Variants in CAMTA1 observed in about 807,000 individuals in gnomAD.
The protein encoded by CAMTA1 is calmodulin binding transcription activator 1.
A neutral mutation model predicts 170.9 loss-of-function variants in CAMTA1; 27 were observed. That is an observed-to-expected ratio of 0.16 (90% CI 0.12 to 0.22). The LOEUF (loss-of-function observed/expected upper bound fraction) is 0.22, where lower values mean the gene tolerates loss of function less well. Among genes scored for constraint, CAMTA1 ranks in the 10% least tolerant of loss-of-function variants. The probability of loss-of-function intolerance (pLI) is 1.00; values close to 1 mark genes in which losing one functional copy is unlikely to be tolerated. For synonymous variants in CAMTA1, 833 were observed against 891.5 expected (o/e 0.93, Z 1.17); for missense variants, 1,619 against 2,217.2 (o/e 0.73, Z 5.42).
At chr1:7,361,099 G>C (rs1479542495) in intron 5 of CAMTA1, among the ~76,000 whole-genome samples, 3 of 152,232 alleles carry the variant, frequency 2.0e-5, no homozygotes, top group Non-Finnish European at 4.4e-5. Context: ...TTCCGTTGCT[G>C]CCGGCCTGCC....
intron 3 of CAMTA1, among the ~76,000 whole-genome samples, chr1:6,847,027 G>T (rs551046074): frequency 6.7e-6 from 1 of 150,128 alleles, no homozygotes. Context: ...TTTTGGAGAC[G>T]GAATCTTGCT....
chr1:7,249,655 C>T lies in CAMTA1; in HGVS notation c.438+29C>T. 1.9e-6 allele frequency: 3 copies of T among 1,609,462 alleles called. No individual in the cohort carries two copies. The highest frequency in any genetic ancestry group is 2.5e-6 in the Non-Finnish European group (3 of 1,177,402). On this transcript the variant is annotated intron_variant, in intron 5 of 22. Transcript: ENST00000303635. This position sits in a 1 kb window ranked among gnomAD's most constrained non-coding sequence, Gnocchi z 4.4. ...AACAGCAGAAAAGGTTCCCTTGGTG[C>T]ACAAATGTCATTTGCAGGCTGCAGT...
chr1:7,350,342 AC>A (rs978313037), intron 5 of CAMTA1, among the ~76,000 whole-genome samples: 1 of 151,822 alleles, frequency 6.6e-6, no homozygotes, highest in African/African-American at 2.4e-5. Flanking sequence ...CTGCCCCTAT[AC>A]CCGCCAGGTC....
intron 3 of CAMTA1, among the ~76,000 whole-genome samples, chr1:6,920,573 A>G (rs956202648): frequency 1.3e-5 from 2 of 152,114 alleles, no homozygotes; most frequent in African/African-American, 4.8e-5. Flanking sequence ...CTAATCTCAC[A>G]TTTCCCTTCC....
intron 4 of CAMTA1, among the ~76,000 whole-genome samples, chr1:7,222,232 C>T (rs768424054): frequency 1.2e-4 from 19 of 152,106 alleles, no homozygotes; most frequent in Non-Finnish European, 1.5e-4. Flanking sequence ...TCAGACAGGC[C>T]GTGGGACCCT....
chr1:7,604,151 A>G lies in CAMTA1; in HGVS notation c.511-36249A>G, dbSNP rs550517541. On this transcript the variant is annotated intron_variant, in intron 6 of 22. Coordinates refer to ENST00000303635, the MANE Select transcript of CAMTA1 (RefSeq NM_015215.4). ...CATTTCAAGTTTGATGAATCTGACA[A>G]TTATGTGTGTTGGAGTTGCTCTTCT... is the stretch of plus-strand genomic sequence containing the variant. Among the ~76,000 whole-genome samples the G allele has an allele frequency of 2.6e-5, 4 of 152,234 alleles. No homozygotes were observed. In the East Asian group the frequency reaches 5.8e-4, roughly 22 times the overall value.
In CAMTA1 at chr1:7,651,851, T is replaced by C. The variant is rs573137050; in HGVS notation, c.665-9875T>C. ...GGGCCCCGACCCCAGGCCAGCACGGTGCTGCCACCCGGTCTCCCACTGTTT... is the reference window on the plus strand; with the variant it reads ...GGGCCCCGACCCCAGGCCAGCACGGCGCTGCCACCCGGTCTCCCACTGTTT... On this transcript the variant is annotated intron_variant, in intron 7 of 22. Coordinates refer to ENST00000303635, the MANE Select transcript of CAMTA1 (RefSeq NM_015215.4). Among the ~76,000 whole-genome samples, 8 of 152,364 alleles carry C rather than the reference T, an allele frequency of 5.3e-5. No homozygotes were observed. In the South Asian group the frequency reaches 1.4e-3, roughly 28 times the overall value.
chr1:7,218,490 T>G (rs867950335), intron 4 of CAMTA1, among the ~76,000 whole-genome samples: 10 of 151,680 alleles, frequency 6.6e-5, no homozygotes, highest in Non-Finnish European at 1.3e-4. Context: ...GCGGGAGGAG[T>G]TGAGGGTCCT....
In CAMTA1 at chr1:7,062,964, G is replaced by T. The variant is rs535213607; in HGVS notation, c.235-28340G>T. Among the ~76,000 whole-genome samples, 8 of 152,236 alleles carry T rather than the reference G, an allele frequency of 5.3e-5. No individual in the cohort carries two copies. In the East Asian group the frequency reaches 1.4e-3, roughly 26 times the overall value. On this transcript the variant is annotated intron_variant, in intron 3 of 22. Transcript: ENST00000303635. Reference sequence around the variant, plus strand: ...ATTGGATTGGGGCCCATCCTACTCCGTTATGACTTCATCTTAACTAGATGA... The same window carrying T: ...ATTGGATTGGGGCCCATCCTACTCCTTTATGACTTCATCTTAACTAGATGA...
chr1:7,478,476 C>T (rs1418830545), intron 6 of CAMTA1, among the ~76,000 whole-genome samples: 1 of 152,202 alleles, frequency 6.6e-6, no homozygotes, highest in African/African-American at 2.4e-5. Flanking sequence ...TGTCCCTCAG[C>T]CCTTAGGGAC....
intron 5 of CAMTA1, among the ~76,000 whole-genome samples, chr1:7,385,093 T>TG (rs2087784995): frequency 1.1e-3 from 1 of 902 alleles, no homozygotes; most frequent in Admixed American, 0.021. Flanking sequence ...CTGTTCACTA[T>TG]TTTTTTTTTT....
At chr1:6,959,046 A>G (rs182516902) in intron 3 of CAMTA1, among the ~76,000 whole-genome samples, 6 of 152,338 alleles carry the variant, frequency 3.9e-5, no homozygotes, top group Non-Finnish European at 7.3e-5. Context: ...GATTGCCTAG[A>G]ACCATGCTGG....
In CAMTA1 at chr1:7,588,200, G is replaced by A. The variant is rs1175053879; in HGVS notation, c.511-52200G>A. 6.6e-6 allele frequency among the ~76,000 whole-genome samples: 1 copy of A among 152,068 alleles called. No individual in the cohort carries two copies. The highest frequency in any genetic ancestry group is 1.5e-5 in the Non-Finnish European group (1 of 68,028). On this transcript the variant is annotated intron_variant, in intron 6 of 22. Coordinates refer to ENST00000303635, the MANE Select transcript of CAMTA1 (RefSeq NM_015215.4). The surrounding 1 kb of genome is among the most constrained non-coding windows in gnomAD (Gnocchi z 5.8). ...AAGGTCTCTCTCTGCCTCTCAGCCA[G>A]GAAAATCCCTACCCCAGGACAAGCT...
At chr1:6,822,232 TG>T (rs1296809961) in intron 2 of CAMTA1, among the ~76,000 whole-genome samples, 9 of 152,180 alleles carry the variant, frequency 5.9e-5, no homozygotes, top group African/African-American at 2.2e-4. Flanking sequence ...CTGGTGCATG[TG>T]TTTAGTTATT....
intron 16 of CAMTA1, among the ~76,000 whole-genome samples, chr1:7,744,167 T>C (rs2150085342): frequency 7.5e-6 from 1 of 134,186 alleles, no homozygotes; most frequent in African/African-American, 2.9e-5. Flanking sequence ...AGTCTCGCGC[T>C]GTCGCCCAGG....
intron 5 of CAMTA1, among the ~76,000 whole-genome samples, chr1:7,321,913 A>G (rs1173285360): frequency 2.0e-5 from 3 of 152,110 alleles, no homozygotes; most frequent in African/African-American, 7.2e-5. Context: ...CCTAGGCCCA[A>G]TAGTTAGTAG....
intron 22 of CAMTA1, among the ~76,000 whole-genome samples, chr1:7,760,464 TC>T (rs1240614552): frequency 2.6e-5 from 4 of 152,222 alleles, no homozygotes; most frequent in Non-Finnish European, 4.4e-5. Flanking sequence ...TTCTCACACT[TC>T]CGTAGCTCAA....
rs370025287 is a variant in CAMTA1 at position 7,677,595 on chromosome 1, T to A, written c.2780-4T>A. Reference sequence around the variant, plus strand: ...TTGACCTGGTCTTTTTCTCTCGCTTTCAGCCCATGACACTGGTCTTGTGAC... The same window carrying A: ...TTGACCTGGTCTTTTTCTCTCGCTTACAGCCCATGACACTGGTCTTGTGAC... On this transcript the variant is annotated splice_region_variant and splice_polypyrimidine_tract_variant and intron_variant, in intron 10 of 22. Transcript: ENST00000303635. The A allele has an allele frequency of 1.5e-5, 24 of 1,613,358 alleles. No homozygotes were observed. The African/African-American group carries it at 2.8e-4, about 19-fold the overall frequency.
chr1:7,379,525 C>T (rs2087110996), intron 5 of CAMTA1, among the ~76,000 whole-genome samples: 1 of 152,206 alleles, frequency 6.6e-6, no homozygotes. Flanking sequence ...ACCAGCGTCT[C>T]GTATTTCAAA....
Sources: gnomAD v4.1 joint callset for allele counts (sites outside exome capture counted in the v4.1 genomes callset) on GRCh38, gnomAD v4.1.1 for gene constraint, Gnocchi (gnomAD v3.1) non-coding constraint, MANE v1.5 for transcripts, NCBI Gene and HGNC (gene_info 2026-07-23, HGNC 2026-07-21) for gene names.